The following KIT variants were observed in gnomAD, a reference collection of about 807,000 sequenced individuals.
KIT encodes the protein mast/stem cell growth factor receptor Kit.
In KIT, 16 loss-of-function variants were observed where a neutral mutation model predicts 105.7. The ratio of observed to expected loss-of-function variants is 0.15; its 90% CI spans 0.10 to 0.23. The LOEUF is 0.23. Among genes scored for constraint, KIT ranks in the 10% least tolerant of loss-of-function variants. The pLI is 1.00. For synonymous variants in KIT, 438 were observed against 441.1 expected (o/e 0.99, Z 0.09); for missense variants, 858 against 1,213.8 (o/e 0.71, Z 4.36).
In KIT at chr4:54,733,162, G is replaced by T; in HGVS notation, c.2454G>T (p.Lys818Asn). The T allele has an allele frequency of 6.2e-7, 1 of 1,612,808 alleles. No homozygotes were observed. The highest frequency in any genetic ancestry group is 1.3e-5 in the African/African-American group (1 of 74,948). ...ICDFGLARDI[K>N]NDSNYVVKGN... ...ATTTTGGTCTAGCCAGAGACATCAA[G>T]AATGATTCTAATTATGTGGTTAAAG... is the stretch of plus-strand genomic sequence containing the variant. The change falls in exon 17 of 21, where the codon AAG (lysine) becomes AAT (asparagine). Residue 818 changes from lysine (K) to asparagine (N), a missense_variant. Around this residue, in one of 7 missense-constraint regions of KIT, gnomAD observed 63 missense variants for 137.4 expected, o/e 0.46. Coordinates refer to ENST00000288135, the MANE Select transcript of KIT (RefSeq NM_000222.3).
chr4:54,676,212 C>A (rs1278662112), intron 1 of KIT, among the ~76,000 whole-genome samples: 1 of 152,158 alleles, frequency 6.6e-6, no homozygotes, highest in East Asian at 1.9e-4. Context: ...TCACCTGGGA[C>A]TTGTTAGAAA....
At position 54,738,476 on chromosome 4, in the gene KIT, G is replaced by C. The variant is rs781142513; in HGVS notation, c.2850G>C (p.Val950=). The C allele has an allele frequency of 1.2e-6, 2 of 1,614,004 alleles. No individual in the cohort carries two copies. Among genetic ancestry groups the C allele is most frequent in the Non-Finnish European group, 1.7e-6 (2 of 1,179,980 alleles). ...GCAGCCCCAACCGACAGAAGCCCGTGGTAGACCATTCTGTGCGGATCAATT... is the reference window on the plus strand; with the variant it reads ...GCAGCCCCAACCGACAGAAGCCCGTCGTAGACCATTCTGTGCGGATCAATT... ...ANCSPNRQKP[V]VDHSVRINSV... The change falls in exon 21 of 21, where the codon GTG becomes GTC. Residue 950 remains valine (V), a synonymous_variant. Transcript: ENST00000288135.
rs781142513 is a variant in KIT at position 54,738,476 on chromosome 4, G to A, written c.2850G>A (p.Val950=). 1 of 1,614,004 alleles carries A rather than the reference G, an allele frequency of 6.2e-7. No individual in the cohort carries two copies. Among genetic ancestry groups the A allele is most frequent in the Non-Finnish European group, 8.5e-7 (1 of 1,179,980 alleles). ...ANCSPNRQKP[V]VDHSVRINSV... ...GCAGCCCCAACCGACAGAAGCCCGTGGTAGACCATTCTGTGCGGATCAATT... is the reference window on the plus strand; with the variant it reads ...GCAGCCCCAACCGACAGAAGCCCGTAGTAGACCATTCTGTGCGGATCAATT... The change falls in exon 21 of 21, where the codon GTG becomes GTA. Residue 950 remains valine, a synonymous_variant. Transcript: ENST00000288135.
chr4:54,707,985 C>T (rs1472387058), intron 6 of KIT, among the ~76,000 whole-genome samples: 1 of 152,080 alleles, frequency 6.6e-6, no homozygotes, highest in Non-Finnish European at 1.5e-5. Context: ...CTCTATTTTT[C>T]CAGTCAGGAC....
intron 7 of KIT, among the ~76,000 whole-genome samples, chr4:54,710,780 G>T (rs565330191): frequency 6.6e-6 from 1 of 152,272 alleles, no homozygotes; most frequent in Admixed American, 6.5e-5. Context: ...GACCACAAGT[G>T]ATCACCTGCT....
At chr4:54,693,114 A>G (rs1719823446) in intron 1 of KIT, among the ~76,000 whole-genome samples, 1 of 152,226 alleles carries the variant, frequency 6.6e-6, no homozygotes, top group Admixed American at 6.5e-5. Flanking sequence ...TTGTACTGCC[A>G]GAACTACCCA....
chr4:54,705,610 T>A (rs1720734703), intron 5 of KIT, among the ~76,000 whole-genome samples: 1 of 152,162 alleles, frequency 6.6e-6, no homozygotes. Context: ...TGGTTTTGAA[T>A]TGGAGGCTCT....
At chr4:54,681,557 A>C (rs993658393) in intron 1 of KIT, among the ~76,000 whole-genome samples, 2 of 152,162 alleles carry the variant, frequency 1.3e-5, no homozygotes, top group Non-Finnish European at 2.9e-5. Flanking sequence ...AAGTAGTCCT[A>C]TGAAGGTCTT....
chr4:54,666,574 G>A (rs569846228), intron 1 of KIT, among the ~76,000 whole-genome samples: 45 of 152,224 alleles, frequency 3.0e-4, no homozygotes, highest in African/African-American at 1.1e-3. Flanking sequence ...CACTGCACCC[G>A]GCAATTTTTT....
chr4:54,696,121 C>A (rs1720047648), intron 2 of KIT, among the ~76,000 whole-genome samples: 1 of 151,904 alleles, frequency 6.6e-6, no homozygotes, highest in Non-Finnish European at 1.5e-5. Context: ...CTAGATACTC[C>A]CACTTAGTAA....
rs140248013 is a variant in KIT, at chr4:54,687,469, A to G, written c.68-8043A>G. ...AAAAAAAATAAAAAAAAGACTTACA[A>G]TCAAACATCCTCAATGAAAAAGCAT... is the stretch of plus-strand genomic sequence containing the variant. On this transcript the variant is annotated intron_variant, in intron 1 of 20. Coordinates refer to ENST00000288135, the MANE Select transcript of KIT (RefSeq NM_000222.3). 2.0e-3 allele frequency among the ~76,000 whole-genome samples: 305 copies of G among 152,260 alleles called. 2 individuals are homozygous for G. Among genetic ancestry groups the G allele is most frequent in the African/African-American group, 6.9e-3 (286 of 41,558 alleles).
At chr4:54,664,367 A>G (rs984157684) in intron 1 of KIT, among the ~76,000 whole-genome samples, 1 of 152,020 alleles carries the variant, frequency 6.6e-6, no homozygotes, top group Non-Finnish European at 1.5e-5. Context: ...GGTTATGAAG[A>G]ATGCTTTGAA....
chr4:54,706,896 TTTCAAATG>T (rs1422829683), intron 5 of KIT, among the ~76,000 whole-genome samples, 194 bp from the exon 6 acceptor site: 4 of 152,226 alleles, frequency 2.6e-5, no homozygotes, highest in Non-Finnish European at 4.4e-5. Context: ...AGAATCAGTA[TTTCAAATG>T]TGTGTCCTTT....
intron 1 of KIT, among the ~76,000 whole-genome samples, chr4:54,658,503 G>C (rs1428358548): frequency 6.6e-6 from 1 of 152,148 alleles, no homozygotes; most frequent in African/African-American, 2.4e-5. Context: ...TTGCGTGTGT[G>C]TGACCGGCGC....
intron 1 of KIT, among the ~76,000 whole-genome samples, chr4:54,658,564 G>C (rs1343611638): frequency 6.6e-6 from 1 of 152,150 alleles, no homozygotes; most frequent in East Asian, 1.9e-4. Context: ...CAAAGTTAGA[G>C]AGCCCTTTCT....
intron 1 of KIT, among the ~76,000 whole-genome samples, chr4:54,691,750 TG>T (rs1010470267): frequency 2.7e-5 from 4 of 150,834 alleles, no homozygotes; most frequent in Non-Finnish European, 5.9e-5. Context: ...TGGGGTGGGG[TG>T]GGTGGCGGCT....
chr4:54,722,802 T>G (rs1721956437), intron 7 of KIT, among the ~76,000 whole-genome samples: 1 of 60,118 alleles, frequency 1.7e-5, no homozygotes, highest in Non-Finnish European at 3.4e-5. Flanking sequence ...TATATTCAGA[T>G]TTATATATAT....
chr4:54,709,959 T>C (rs1721035699), intron 7 of KIT, among the ~76,000 whole-genome samples: 2 of 152,220 alleles, frequency 1.3e-5, no homozygotes, highest in South Asian at 4.1e-4. Context: ...CTTTTGAGGC[T>C]GTGATGTTAC....
At chr4:54,669,215 C>G (rs1303877687) in intron 1 of KIT, among the ~76,000 whole-genome samples, 1 of 151,910 alleles carries the variant, frequency 6.6e-6, no homozygotes, top group Non-Finnish European at 1.5e-5. Flanking sequence ...AAGAGGACCC[C>G]CCCCCCTTGC....
Sources: gnomAD v4.1 joint callset for allele counts (sites outside exome capture counted in the v4.1 genomes callset) on GRCh38, gnomAD v4.1.1 for gene constraint, gnomAD v4.1.1 regional missense constraint, MANE v1.5 for transcripts, NCBI Gene and HGNC (gene_info 2026-07-23, HGNC 2026-07-21) for gene names.